MELK: variants seen among roughly 807,000 people sequenced by gnomAD.
MELK encodes the protein pEg3 kinase.
MELK carries 81 observed loss-of-function variants against 85.0 expected under a neutral mutation model. The ratio of observed to expected loss-of-function variants is 0.95; its 90% CI spans 0.80 to 1.15. The LOEUF (loss-of-function observed/expected upper bound fraction) is 1.15. Ranked by LOEUF, MELK falls within the 50% of genes most tolerant of loss-of-function variation. The pLI is 0.00. For missense variants in MELK, 754 were observed against 777.5 expected (o/e 0.97, Z 0.36); for synonymous variants, 252 against 265.0 (o/e 0.95, Z 0.48).
Position 36,671,096 on chromosome 9 carries a change from A to G in MELK, c.1604A>G (p.Asp535Gly). The G allele has an allele frequency of 6.2e-7, 1 of 1,613,358 alleles. No individual in the cohort carries two copies. The highest frequency in any genetic ancestry group is 1.7e-5 in the Admixed American group (1 of 59,932). Residue 535 changes from aspartate to glycine, a missense_variant, in exon 16 of 18, where the codon GAT becomes GGT. Transcript: ENST00000298048. ...KVFGSLERGL[D>G]KVITVLTRSK... ...TTTGGGAGCCTTGAAAGGGGGTTGGATAAGGTTATCACTGTGCTCACCAGG... is the reference window on the plus strand; with the variant it reads ...TTTGGGAGCCTTGAAAGGGGGTTGGGTAAGGTTATCACTGTGCTCACCAGG...
intron 10 of MELK, among the ~76,000 whole-genome samples, chr9:36,641,602 A>AT (rs59380521): frequency 0.13 from 16,891 of 126,488 alleles, 1,405 homozygotes; most frequent in Non-Finnish European, 0.17. Context: ...ATAAAGAGAG[A>AT]TTTTTTTTTT....
At chr9:36,666,608 T>C (rs1832357822) in intron 14 of MELK, among the ~76,000 whole-genome samples, 2 of 152,170 alleles carry the variant, frequency 1.3e-5, no homozygotes, top group South Asian at 2.1e-4. Context: ...AAACCTAAAC[T>C]CTGGAGCATT....
intron 1 of MELK, among the ~76,000 whole-genome samples, chr9:36,580,079 G>A (rs1822058666): frequency 1.6e-5 from 2 of 128,280 alleles, no homozygotes; most frequent in African/African-American, 3.0e-5. Flanking sequence ...ACAGAATCTC[G>A]CTCCGTTGCC....
At chr9:36,640,904 T>G (rs1161006675) in intron 10 of MELK, among the ~76,000 whole-genome samples, 1 of 152,260 alleles carries the variant, frequency 6.6e-6, no homozygotes, top group Non-Finnish European at 1.5e-5. Context: ...CTTTACTGTT[T>G]CTTTTCATGA....
intron 1 of MELK, among the ~76,000 whole-genome samples, chr9:36,578,342 C>CT (rs1821859670): frequency 2.6e-5 from 4 of 152,042 alleles, no homozygotes; most frequent in Admixed American, 6.6e-5. Flanking sequence ...AGTTCAGTAC[C>CT]TGTCAACTTT....
Position 36,651,858 on chromosome 9 carries a change from C to T in MELK, c.1034C>T (p.Thr345Ile), listed in dbSNP as rs1211975447. 1 of 1,613,752 alleles carries T rather than the reference C, an allele frequency of 6.2e-7. No individual in the cohort carries two copies. Among genetic ancestry groups the T allele is most frequent in the East Asian group, 2.2e-5 (1 of 44,858 alleles). ...SSFSCGQASA[T>I]PFTDIKSNNW... ...TTCTCCTGTGGACAAGCCAGTGCTA[C>T]CCCATTCACAGACATCAAGGTAAGT... The change falls in exon 12 of 18, where the codon ACC (threonine) becomes ATC (isoleucine). Residue 345 changes from threonine (T) to isoleucine (I), a missense_variant. Thr to Ile is a moderately conservative substitution (Grantham distance 89, BLOSUM62 -1). Transcript: ENST00000298048.
chr9:36,638,795 G>A (rs967156735), intron 10 of MELK, among the ~76,000 whole-genome samples: 2 of 152,130 alleles, frequency 1.3e-5, no homozygotes, highest in Admixed American at 6.6e-5. Context: ...CCAATCCTCC[G>A]AAGAAGGTAC....
chr9:36,620,548 C>CTTT (rs747925440), intron 8 of MELK, among the ~76,000 whole-genome samples: 7 of 128,494 alleles, frequency 5.4e-5, no homozygotes, highest in Non-Finnish European at 8.1e-5. Context: ...CATTCTCTTC[C>CTTT]TTTTTTTTTT....
intron 1 of MELK, among the ~76,000 whole-genome samples, chr9:36,574,559 A>C (rs1157257838): frequency 1.3e-5 from 2 of 151,392 alleles, no homozygotes. Flanking sequence ...GCCGAGATCT[A>C]GCTACTGCAC....
intron 5 of MELK, among the ~76,000 whole-genome samples, chr9:36,595,162 G>C (rs1243969466): frequency 6.6e-6 from 1 of 151,618 alleles, no homozygotes; most frequent in African/African-American, 2.4e-5. Context: ...TGGAGACGGA[G>C]TCTCACTCCG....
chr9:36,596,401 G>A lies in MELK; in HGVS notation c.406-821G>A, dbSNP rs369930487. Among the ~76,000 whole-genome samples the A allele has an allele frequency of 3.1e-4, 47 of 151,734 alleles. No homozygotes were observed. The South Asian group carries it at 6.5e-3, about 21-fold the overall frequency. ...CTCCTGAGTAGCTGGGACTACAGGC[G>A]CCTGCCACCACGCCCGGCTAATTTT... On this transcript the variant is annotated intron_variant, in intron 5 of 17. Transcript: ENST00000298048.
chr9:36,634,129 A>G (rs1828891727), intron 10 of MELK, among the ~76,000 whole-genome samples: 1 of 152,254 alleles, frequency 6.6e-6, no homozygotes, highest in African/African-American at 2.4e-5. Context: ...ACGTTAACAC[A>G]TTTCGTTATA....
intron 1 of MELK, among the ~76,000 whole-genome samples, chr9:36,575,032 A>T (rs1287581967): frequency 1.3e-5 from 2 of 152,112 alleles, no homozygotes; most frequent in Non-Finnish European, 2.9e-5. Flanking sequence ...GCTACTTGGG[A>T]GGCTGAGGCA....
In MELK at chr9:36,670,642, A is replaced by C. The variant is rs12347712; in HGVS notation, c.1506-356A>C. 8.4e-3 allele frequency among the ~76,000 whole-genome samples: 1,275 copies of C among 151,874 alleles called. 21 individuals are homozygous for C. Among genetic ancestry groups the C allele is most frequent in the African/African-American group, 0.029 (1,212 of 41,430 alleles). On this transcript the variant is annotated intron_variant, in intron 15 of 17. Coordinates refer to ENST00000298048, the MANE Select transcript of MELK (RefSeq NM_014791.4). Reference sequence around the variant, plus strand: ...ACATTAATATATTATCTATATCCAAATAGAAAGCAAATGTGGCAAAATATG... The same window carrying C: ...ACATTAATATATTATCTATATCCAACTAGAAAGCAAATGTGGCAAAATATG...
chr9:36,616,892 C>G (rs1037281692), intron 8 of MELK, among the ~76,000 whole-genome samples: 1 of 149,982 alleles, frequency 6.7e-6, no homozygotes, highest in East Asian at 2.0e-4. Context: ...TTGTTTTCCT[C>G]CCTTAGCAGT....
intron 1 of MELK, among the ~76,000 whole-genome samples, chr9:36,573,641 G>A (rs1044009288): frequency 6.6e-6 from 1 of 152,192 alleles, no homozygotes; most frequent in Non-Finnish European, 1.5e-5. Context: ...GAGTAGCTGA[G>A]CTTACAGACA....
intron 8 of MELK, among the ~76,000 whole-genome samples, chr9:36,619,268 G>C (rs1172143143): frequency 1.3e-5 from 2 of 152,136 alleles, no homozygotes; most frequent in South Asian, 2.1e-4. Context: ...CTAACTCTAC[G>C]TATTCTTTAG....
intron 12 of MELK, among the ~76,000 whole-genome samples, chr9:36,652,090 A>T (rs1482101417): frequency 1.7e-5 from 2 of 118,636 alleles, no homozygotes; most frequent in East Asian, 5.0e-4. Context: ...TCTGTCATCT[A>T]GGCTGGAGTG....
intron 1 of MELK, among the ~76,000 whole-genome samples, chr9:36,577,945 G>A (rs1442909071): frequency 4.6e-5 from 7 of 152,040 alleles, no homozygotes; most frequent in Non-Finnish European, 1.0e-4. Flanking sequence ...GAGCCACTGC[G>A]CCTGGCTGTT....
Sources: gnomAD v4.1 joint callset for allele counts (sites outside exome capture counted in the v4.1 genomes callset) on GRCh38, gnomAD v4.1.1 for gene constraint, MANE v1.5 for transcripts, NCBI Gene and HGNC (gene_info 2026-07-23, HGNC 2026-07-21) for gene names.